The following PPARGC1A variants were observed in gnomAD, a reference collection of about 807,000 sequenced individuals.
The protein encoded by PPARGC1A is PPARG coactivator 1 alpha.
Under a neutral mutation model 88.7 loss-of-function variants are expected in PPARGC1A, and 25 were observed. That is an observed-to-expected ratio of 0.28 (90% CI 0.21 to 0.39). PPARGC1A has a LOEUF of 0.39. PPARGC1A is among the 10% of genes least tolerant of loss of function. The probability of loss-of-function intolerance (pLI) is 1.00; values close to 1 mark genes in which losing one functional copy is unlikely to be tolerated. For synonymous variants in PPARGC1A, 363 were observed against 355.6 expected (o/e 1.02, Z -0.24); for missense variants, 880 against 968.7 (o/e 0.91, Z 1.22).
chr4:24,205,717 G>C, the PPARGC1A span, among the ~76,000 whole-genome samples: 3 of 152,044 alleles, frequency 2.0e-5, no homozygotes, highest in African/African-American at 7.2e-5. Flanking sequence ...ATCACTATAT[G>C]GTGCAGTTTT....
the PPARGC1A span, among the ~76,000 whole-genome samples, chr4:23,967,520 T>C: frequency 6.6e-6 from 1 of 152,084 alleles, no homozygotes; most frequent in African/African-American, 2.4e-5. Flanking sequence ...GGGCTTCTGA[T>C]TGGCTCCTCG....
At chr4:23,967,529 C>T in the PPARGC1A span, among the ~76,000 whole-genome samples, 1 of 151,918 alleles carries the variant, frequency 6.6e-6, no homozygotes, top group Admixed American at 6.6e-5. Context: ...ATTGGCTCCT[C>T]GGAGTGTCAG....
the PPARGC1A span, among the ~76,000 whole-genome samples, chr4:24,050,983 G>T: frequency 7.2e-5 from 11 of 151,956 alleles, no homozygotes; most frequent in Non-Finnish European, 1.5e-4. Flanking sequence ...GTCAGGAGAT[G>T]GAGACCATCC....
chr4:24,116,269 C>T, the PPARGC1A span, among the ~76,000 whole-genome samples: 4 of 152,122 alleles, frequency 2.6e-5, no homozygotes, highest in Non-Finnish European at 4.4e-5. Context: ...CCTGTCTGGG[C>T]GCTGGCTCTA....
chr4:24,222,847 C>T, the PPARGC1A span, among the ~76,000 whole-genome samples: 97 of 152,282 alleles, frequency 6.4e-4, no homozygotes, highest in African/African-American at 2.3e-3. Context: ...CTTTTACTGG[C>T]AGTTAGACAC....
At chr4:24,440,404 T>C in the PPARGC1A span, among the ~76,000 whole-genome samples, 5 of 152,330 alleles carry the variant, frequency 3.3e-5, no homozygotes, top group South Asian at 1.0e-3. Flanking sequence ...GGGCTGAGGT[T>C]CAGCCAGTTC....
chr4:23,997,798 C>A, the PPARGC1A span, among the ~76,000 whole-genome samples: 7 of 152,134 alleles, frequency 4.6e-5, no homozygotes, highest in African/African-American at 1.7e-4. Context: ...GGCCAAAATC[C>A]CTTTCTATAA....
chr4:24,129,587 C>T, the PPARGC1A span, among the ~76,000 whole-genome samples: 524 of 152,226 alleles, frequency 3.4e-3, 3 homozygotes, highest in African/African-American at 0.012. Flanking sequence ...GTCAGTGTGG[C>T]AATTCCTCAG....
the PPARGC1A span, among the ~76,000 whole-genome samples, chr4:24,336,727 TA>T: frequency 4.6e-5 from 7 of 152,280 alleles, no homozygotes; most frequent in South Asian, 8.3e-4. Context: ...TTTTGGTAGA[TA>T]GCTGGCTTTT....
At chr4:23,838,990 T>G (rs960696555) in intron 2 of PPARGC1A, among the ~76,000 whole-genome samples, 1 of 152,124 alleles carries the variant, frequency 6.6e-6, no homozygotes, top group Admixed American at 6.6e-5. Context: ...CAGGGCTAAT[T>G]CCTGTAAAAA....
chr4:24,130,394 T>C, the PPARGC1A span, among the ~76,000 whole-genome samples: 57 of 152,136 alleles, frequency 3.7e-4, no homozygotes, highest in Non-Finnish European at 8.1e-4. Context: ...AAACATGGCT[T>C]TTAACAAACA....
the PPARGC1A span, among the ~76,000 whole-genome samples, chr4:24,048,314 T>A: frequency 2.0e-5 from 3 of 152,154 alleles, no homozygotes; most frequent in Non-Finnish European, 4.4e-5. Flanking sequence ...ACAGGATGAC[T>A]CTTCTATCAG....
the PPARGC1A span, among the ~76,000 whole-genome samples, chr4:24,016,827 G>C: frequency 6.6e-6 from 1 of 152,140 alleles, no homozygotes; most frequent in African/African-American, 2.4e-5. Flanking sequence ...GGTTGACTCA[G>C]ATATCAATGA....
the PPARGC1A span, among the ~76,000 whole-genome samples, chr4:24,338,731 C>T: frequency 1.3e-5 from 2 of 151,934 alleles, no homozygotes; most frequent in South Asian, 2.1e-4. Context: ...GAAGACTCAT[C>T]TTGCTATGTA....
chr4:24,390,734 C>T, the PPARGC1A span, among the ~76,000 whole-genome samples: 2 of 151,870 alleles, frequency 1.3e-5, no homozygotes, highest in African/African-American at 2.4e-5. Flanking sequence ...TTGTTTGAAG[C>T]GGTATTTTTA....
chr4:24,091,275 A>G, the PPARGC1A span, among the ~76,000 whole-genome samples: 1 of 152,240 alleles, frequency 6.6e-6, no homozygotes, highest in Non-Finnish European at 1.5e-5. Context: ...TTGCTTGACA[A>G]TCTAGAGTAA....
At chr4:24,372,507 G>A in the PPARGC1A span, among the ~76,000 whole-genome samples, 1 of 152,116 alleles carries the variant, frequency 6.6e-6, no homozygotes, top group Non-Finnish European at 1.5e-5. Flanking sequence ...CTAACTCAGG[G>A]GCTGGTGGCC....
At chr4:24,305,744 G>A in the PPARGC1A span, among the ~76,000 whole-genome samples, 1 of 152,070 alleles carries the variant, frequency 6.6e-6, no homozygotes, top group African/African-American at 2.4e-5. Flanking sequence ...CCCAGGAGGC[G>A]GAGGTTGCAG....
At chr4:24,297,838 C>G in the PPARGC1A span, among the ~76,000 whole-genome samples, 3 of 152,198 alleles carry the variant, frequency 2.0e-5, no homozygotes, top group South Asian at 4.1e-4. Flanking sequence ...TACGTAACCA[C>G]TCTCCTGTCA....
Sources: gnomAD v4.1 joint callset for allele counts (sites outside exome capture counted in the v4.1 genomes callset) on GRCh38, gnomAD v4.1.1 for gene constraint, MANE v1.5 for transcripts, NCBI Gene and HGNC (gene_info 2026-07-23, HGNC 2026-07-21) for gene names.